The following ANKRD11 variants were observed in gnomAD, a reference collection of about 807,000 sequenced individuals.
The protein encoded by ANKRD11 is ankyrin repeat domain-containing protein 11.
A neutral mutation model predicts 195.7 loss-of-function variants in ANKRD11; 17 were observed. That is an observed-to-expected ratio of 0.09 (90% CI 0.06 to 0.13). The LOEUF (loss-of-function observed/expected upper bound fraction) is 0.13, where lower values mean the gene tolerates loss of function less well. Ranked by LOEUF, ANKRD11 falls within the 10% of genes least tolerant of loss-of-function variation. ANKRD11 has a pLI of 1.00. For synonymous variants in ANKRD11, 1,953 were observed against 1,528.1 expected (o/e 1.28, Z -6.49); for missense variants, 3,735 against 3,566.1 (o/e 1.05, Z -1.21).
chr16:89,466,820 G>T (rs1233324677), intron 1 of ANKRD11, among the ~76,000 whole-genome samples: 1 of 152,184 alleles, frequency 6.6e-6, no homozygotes, highest in Non-Finnish European at 1.5e-5. Context: ...GGCGGCAGGG[G>T]CCCTCCCGCA....
At chr16:89,475,427 A>G (rs2057224696) in intron 1 of ANKRD11, among the ~76,000 whole-genome samples, 2 of 152,336 alleles carry the variant, frequency 1.3e-5, no homozygotes, top group South Asian at 4.1e-4. Context: ...TTTCTATAGC[A>G]ACCAGAAAGA....
In ANKRD11 at chr16:89,275,312, GCCT is replaced by G. The variant is rs1193473795; in HGVS notation, c.7471-124_7471-122del. 5.2e-6 allele frequency: 4 copies of G among 771,382 alleles called. No individual in the cohort carries two copies. The African/African-American group carries it at 5.2e-5, about 10-fold the overall frequency. 47.8% of individuals were successfully genotyped at this position (771,382 alleles called of 1,614,324 possible). On this transcript the variant is annotated intron_variant, in intron 9 of 12. Coordinates refer to ENST00000301030, the MANE Select transcript of ANKRD11 (RefSeq NM_013275.6). The stretch of plus-strand genomic sequence containing the variant: ...CCACTCCTAGGAGCCTGCCCTGGAG[GCCT>G]CCTCCAGTCCCAGCAACAGACACAC...
chr16:89,468,101 G>C (rs2056946984), intron 1 of ANKRD11, among the ~76,000 whole-genome samples: 1 of 152,178 alleles, frequency 6.6e-6, no homozygotes, highest in Admixed American at 6.5e-5. Flanking sequence ...ACCACGCCCA[G>C]ACTGCAGTCT....
At chr16:89,402,703 C>A (rs1275109883) in intron 2 of ANKRD11, among the ~76,000 whole-genome samples, 1 of 83,790 alleles carries the variant, frequency 1.2e-5, no homozygotes, top group Non-Finnish European at 2.4e-5. Context: ...GGTGGCTCTG[C>A]GAGGTTAGGA....
intron 1 of ANKRD11, among the ~76,000 whole-genome samples, chr16:89,438,970 C>G (rs1226521922): frequency 6.6e-6 from 1 of 151,404 alleles, no homozygotes; most frequent in Non-Finnish European, 1.5e-5. Context: ...CCAGCCTGAA[C>G]GACAGAGCAA....
At position 89,290,797 on chromosome 16, in the gene ANKRD11, A is replaced by G; in HGVS notation, c.429T>C (p.Ser143=). Reference sequence around the variant, plus strand: ...TGGGCGTTCCCTTCTGACACACTGTAGACTGGGAGGGGTGCTTTGGTGTTG... The same window carrying G: ...TGGGCGTTCCCTTCTGACACACTGTGGACTGGGAGGGGTGCTTTGGTGTTG... ...VDTTPKHPSQ[S]TVCQKGTPNS... The change falls in exon 6 of 13, where the codon TCT becomes TCC. Residue 143 remains serine (S), a synonymous_variant. Transcript: ENST00000301030. The G allele has an allele frequency of 6.2e-7, 1 of 1,613,922 alleles. No individual in the cohort carries two copies. Among genetic ancestry groups the G allele is most frequent in the South Asian group, 1.1e-5 (1 of 91,078 alleles).
intron 1 of ANKRD11, among the ~76,000 whole-genome samples, chr16:89,479,942 CAAAAAAAAA>C (rs1184052902): frequency 2.7e-5 from 2 of 73,320 alleles, no homozygotes; most frequent in Non-Finnish European, 5.3e-5. Flanking sequence ...GACTCCATCT[CAAAAAAAAA>C]AAAAAAAAAA....
chr16:89,420,236 G>A (rs143777101), intron 1 of ANKRD11: 4 of 152,234 alleles, frequency 2.6e-5, no homozygotes, highest in Non-Finnish European at 2.9e-5. Context: ...AAGCCAGCGA[G>A]GAACCCCAGC....
chr16:89,416,824 C>A (rs2042330897), intron 2 of ANKRD11, among the ~76,000 whole-genome samples: 1 of 151,492 alleles, frequency 6.6e-6, no homozygotes, highest in Non-Finnish European at 1.5e-5. Flanking sequence ...CCTTGTCATA[C>A]ATTAAGGTCA....
At chr16:89,386,314 C>T (rs917262239) in intron 2 of ANKRD11, among the ~76,000 whole-genome samples, 3 of 151,816 alleles carry the variant, frequency 2.0e-5, no homozygotes, top group Non-Finnish European at 2.9e-5. Context: ...ACAGACAATG[C>T]ACTAATTCTC....
chr16:89,296,746 G>A (rs962911844), intron 4 of ANKRD11, among the ~76,000 whole-genome samples: 15 of 152,374 alleles, frequency 9.8e-5, no homozygotes, highest in African/African-American at 3.4e-4. Flanking sequence ...CTGGGAGCCG[G>A]AAGGCCGGGA....
In ANKRD11 at chr16:89,282,560, G is replaced by A. The variant is rs1396835413; in HGVS notation, c.3982C>T (p.Pro1328Ser). Residue 1328 changes from proline to serine, a missense_variant, in exon 9 of 13, where the codon CCA (proline) becomes TCA (serine). Transcript: ENST00000301030. ...TAFLEVSFTE[P>S]PGDDKPRESA... ...TCCCTCGGCTTGTCGTCTCCAGGTG[G>A]CTCCGTGAAAGAGACCTCCAGGAAG... 6 of 1,613,966 alleles carry A rather than the reference G, an allele frequency of 3.7e-6. No homozygotes were observed. Among genetic ancestry groups the A allele is most frequent in the Middle Eastern group, 1.6e-4 (1 of 6,062 alleles).
intron 1 of ANKRD11, among the ~76,000 whole-genome samples, chr16:89,428,689 T>C (rs901567298): frequency 1.3e-5 from 2 of 149,826 alleles, no homozygotes; most frequent in Non-Finnish European, 3.0e-5. Flanking sequence ...AAGTCAGGAG[T>C]TCGAGACCAG....
intron 4 of ANKRD11, among the ~76,000 whole-genome samples, chr16:89,302,740 T>C (rs1258521524): frequency 6.6e-6 from 1 of 152,190 alleles, no homozygotes; most frequent in African/African-American, 2.4e-5. Context: ...TTAGGTCTTT[T>C]TGTTACAATC....
intron 2 of ANKRD11, among the ~76,000 whole-genome samples, chr16:89,389,415 T>C (rs986617755): frequency 1.3e-5 from 2 of 151,314 alleles, no homozygotes; most frequent in African/African-American, 4.9e-5. Context: ...TATGATTACA[T>C]AGGAGAAAAA....
chr16:89,471,955 C>T (rs1055631142), intron 1 of ANKRD11, among the ~76,000 whole-genome samples: 1 of 152,080 alleles, frequency 6.6e-6, no homozygotes, highest in African/African-American at 2.4e-5. Flanking sequence ...AGGCATGCAG[C>T]CCTGCCAAAC....
chr16:89,385,813 C>T (rs1351870284), intron 2 of ANKRD11, among the ~76,000 whole-genome samples: 2 of 152,266 alleles, frequency 1.3e-5, no homozygotes, highest in African/African-American at 4.8e-5. Context: ...ACCCCCGCCG[C>T]TGCGCAGCCA....
At chr16:89,409,551 C>T (rs532601310) in intron 2 of ANKRD11, among the ~76,000 whole-genome samples, 3 of 152,176 alleles carry the variant, frequency 2.0e-5, no homozygotes, top group African/African-American at 2.4e-5. Context: ...CTGCGACTCA[C>T]GCCTGTAATC....
At chr16:89,445,600 C>A (rs947471449) in intron 1 of ANKRD11, among the ~76,000 whole-genome samples, 2 of 152,188 alleles carry the variant, frequency 1.3e-5, no homozygotes, top group Non-Finnish European at 2.9e-5. Context: ...GGGACAATGT[C>A]CTGCCTGACA....
Sources: allele counts gnomAD v4.1 joint callset (sites outside exome capture counted in the v4.1 genomes callset), GRCh38; gene constraint gnomAD v4.1.1; transcripts MANE v1.5; gene names NCBI Gene and HGNC (gene_info 2026-07-23, HGNC 2026-07-21).